Variants in FAN1 observed in about 807,000 individuals in gnomAD.
The protein encoded by FAN1 is FANCD2 and FANCI associated nuclease 1.
Under a neutral mutation model 104.9 loss-of-function variants are expected in FAN1, and 91 were observed. The ratio of observed to expected loss-of-function variants is 0.87; its 90% confidence interval spans 0.73 to 1.03. The LOEUF is 1.03. Ranked by LOEUF, FAN1 falls within the 50% of genes least tolerant of loss-of-function variation. The pLI is 0.00. For synonymous variants in FAN1, 478 were observed against 457.6 expected (o/e 1.04, Z -0.57); for missense variants, 1,263 against 1,239.9 (o/e 1.02, Z -0.28).
rs565123968 is a variant in FAN1 at position 30,942,153 on chromosome 15, A to G, written c.*591A>G. 2.1e-6 allele frequency: 3 copies of G among 1,439,050 alleles called. No individual in the cohort carries two copies. In the East Asian group the frequency reaches 6.9e-5, roughly 33 times the overall value. The allele number at this position is 1,439,050 out of a possible 1,614,324, so 89.1% of individuals were successfully genotyped here. A position where few individuals can be genotyped will look rare whatever the true frequency, so the allele number is the denominator to read the frequency against. The stretch of plus-strand genomic sequence containing the variant: ...GGATGCAATGGCAAATATAAACTCA[A>G]TACTATGAAAAATTAATGGAATTTC... On this transcript the variant is annotated 3_prime_UTR_variant, in exon 15 of 15. Coordinates refer to ENST00000362065, the MANE Select transcript of FAN1 (RefSeq NM_014967.5).
At chr15:30,917,282 T>C (rs1173920844) in intron 5 of FAN1, among the ~76,000 whole-genome samples, 1 of 152,086 alleles carries the variant, frequency 6.6e-6, no homozygotes, top group South Asian at 2.1e-4. Flanking sequence ...TTCAGCCGTT[T>C]GGTTGAAGCT....
intron 10 of FAN1, 61 bp downstream of exon 10, chr15:30,926,000 A>G (rs1368880165): frequency 6.4e-7 from 1 of 1,559,764 alleles, no homozygotes; most frequent in South Asian, 1.1e-5. Context: ...GCAGCACTGG[A>G]TGGGCTGTCA....
chr15:30,935,617 C>T (rs954658934), intron 13 of FAN1, among the ~76,000 whole-genome samples: 1 of 151,970 alleles, frequency 6.6e-6, no homozygotes, highest in Non-Finnish European at 1.5e-5. Context: ...GGGACTTGAG[C>T]ATCCATGGAT....
In FAN1 at chr15:30,941,647, G is replaced by A. The variant is rs747017109; in HGVS notation, c.*85G>A. On this transcript the variant is annotated 3_prime_UTR_variant, in exon 15 of 15. Coordinates refer to ENST00000362065, the MANE Select transcript of FAN1 (RefSeq NM_014967.5). ...TGTCGGTGTGGTGAGGGCCGCTGGC[G>A]TTGAAGTACATCCTGCTCTGGCCCA... 93 of 1,611,292 alleles carry A rather than the reference G, an allele frequency of 5.8e-5. 1 individual carries two copies. The East Asian group carries it at 6.0e-4, about 10-fold the overall frequency.
At chr15:30,928,457 T>A in intron 10 of FAN1, 96 bp from the exon 11 acceptor site, 3 of 1,523,494 alleles carry the variant, frequency 2.0e-6, no homozygotes, top group Non-Finnish European at 2.6e-6. Flanking sequence ...TGAAATTGAG[T>A]GTGCAGTAGG....
Position 30,905,550 on chromosome 15 carries a change from G to T in FAN1, c.887G>T (p.Arg296Leu), listed in dbSNP as rs145950723. 4 of 1,613,878 alleles carry T rather than the reference G, an allele frequency of 2.5e-6. No homozygotes were observed. The highest frequency in any genetic ancestry group is 3.4e-6 in the Non-Finnish European group (4 of 1,179,786). Residue 296 changes from arginine to leucine, a missense_variant, in exon 2 of 15, where the codon CGT (arginine) becomes CTT (leucine). Around this residue, in one of 2 missense-constraint regions of FAN1, gnomAD observed 682 missense variants for 571.1 expected, o/e 1.19. Coordinates refer to ENST00000362065, the MANE Select transcript of FAN1 (RefSeq NM_014967.5). ...QECIKEVVEK[R>L]EACHCEEVKM... is the part of the protein sequence containing the mutation. ...TGTATCAAAGAAGTGGTTGAAAAACGTGAGGCATGTCATTGTGAAGAAGTA... is the reference window on the plus strand; with the variant it reads ...TGTATCAAAGAAGTGGTTGAAAAACTTGAGGCATGTCATTGTGAAGAAGTA...
chr15:30,930,736 A>G (rs1004714576), intron 13 of FAN1, 65 bp downstream of exon 13: 72 of 1,578,620 alleles, frequency 4.6e-5, no homozygotes, highest in Non-Finnish European at 5.4e-5. Flanking sequence ...AGAGGCCACA[A>G]GTAGGCATTT....
chr15:30,914,809 T>C (rs2062168852), intron 5 of FAN1, among the ~76,000 whole-genome samples: 1 of 152,248 alleles, frequency 6.6e-6, no homozygotes, highest in African/African-American at 2.4e-5. Context: ...ATCATACATA[T>C]GATAATTAGA....
intron 12 of FAN1, among the ~76,000 whole-genome samples, chr15:30,929,813 A>ATC (rs1489224239): frequency 1.6e-5 from 1 of 61,800 alleles, no homozygotes; most frequent in African/African-American, 8.7e-5. Flanking sequence ...TAAAATATAT[A>ATC]ATATATTATA....
chr15:30,932,510 A>G (rs2062738981), intron 13 of FAN1, among the ~76,000 whole-genome samples: 1 of 152,096 alleles, frequency 6.6e-6, no homozygotes, highest in Non-Finnish European at 1.5e-5. Context: ...TAAACATTTG[A>G]TAGAATTCCC....
intron 12 of FAN1, among the ~76,000 whole-genome samples, chr15:30,930,017 A>T (rs2062663761): frequency 7.3e-6 from 1 of 137,524 alleles, no homozygotes; most frequent in Non-Finnish European, 1.5e-5. Context: ...TGTATAAAAT[A>T]TATAATAATA....
At chr15:30,929,970 A>G (rs1342756047) in intron 12 of FAN1, among the ~76,000 whole-genome samples, 6 of 127,434 alleles carry the variant, frequency 4.7e-5, no homozygotes, top group Non-Finnish European at 7.8e-5. Context: ...TATAATATAT[A>G]AAATATATAA....
Position 30,938,856 on chromosome 15 carries a change from C to T in FAN1, c.*3+1597C>T, listed in dbSNP as rs936445328. 8.4e-6 allele frequency: 8 copies of T among 948,480 alleles called. No individual in the cohort carries two copies. In the African/African-American group the frequency reaches 1.2e-4, roughly 15 times the overall value. The allele number at this position is 948,480 out of a possible 1,614,324, so 58.8% of individuals were successfully genotyped here. On this transcript the variant is annotated intron_variant, in intron 14 of 14. Transcript: ENST00000362065. ...GCAAGCAGAAACATCCCATGGATGA[C>T]ACAGAAGTATGGGTAGGAGAAGATG... is the stretch of plus-strand genomic sequence containing the variant.
At chr15:30,937,038 G>T in intron 13 of FAN1, 81 bp from the exon 14 acceptor site, 2 of 1,133,240 alleles carry the variant, frequency 1.8e-6, no homozygotes, top group Middle Eastern at 2.4e-4. Flanking sequence ...TTAAATAGTT[G>T]TCAGTGACAA....
At chr15:30,906,443 A>C (rs2061980826) in intron 2 of FAN1, 4 of 456,648 alleles carry the variant, frequency 8.8e-6, no homozygotes, top group Non-Finnish European at 1.8e-5. Flanking sequence ...TGGTACATTA[A>C]AAATACTAGT....
chr15:30,925,726 G>T, intron 9 of FAN1, 63 bp from the exon 10 acceptor site: 1 of 1,581,458 alleles, frequency 6.3e-7, no homozygotes. Context: ...CGATGCTACA[G>T]GCAGGTTTTC....
At chr15:30,940,268 T>G in intron 14 of FAN1, 1 of 972,106 alleles carries the variant, frequency 1.0e-6, no homozygotes, top group Non-Finnish European at 1.2e-6. Flanking sequence ...GTCACACAGT[T>G]TGGAAATACT....
chr15:30,933,469 A>G (rs1036739577), intron 13 of FAN1, among the ~76,000 whole-genome samples: 1 of 152,170 alleles, frequency 6.6e-6, no homozygotes, highest in African/African-American at 2.4e-5. Flanking sequence ...ATTTAACTCC[A>G]TTGTATTCAG....
intron 2 of FAN1, 53 bp from the exon 3 acceptor site, chr15:30,908,065 G>A: frequency 6.8e-7 from 1 of 1,481,130 alleles, no homozygotes; most frequent in Non-Finnish European, 9.2e-7. Flanking sequence ...ATTCACCTTA[G>A]GTTTAAAAGG....
Sources: allele counts gnomAD v4.1 joint callset (sites outside exome capture counted in the v4.1 genomes callset), GRCh38; gene constraint gnomAD v4.1.1; regional missense constraint gnomAD v4.1.1; transcripts MANE v1.5; gene names NCBI Gene and HGNC (gene_info 2026-07-23, HGNC 2026-07-21).